Variants in MUC5B observed in about 807,000 individuals in gnomAD.
MUC5B encodes the protein mucin-5B.
MUC5B carries 116 observed loss-of-function variants against 376.9 expected under a neutral mutation model. That is an observed-to-expected ratio of 0.31 (90% CI 0.26 to 0.36). The LOEUF (loss-of-function observed/expected upper bound fraction) is 0.36, where lower values mean the gene tolerates loss of function less well. Among genes scored for constraint, MUC5B ranks in the 10% least tolerant of loss-of-function variants. MUC5B has a pLI of 1.00. For synonymous variants in MUC5B, 3,517 were observed against 3,390.9 expected (o/e 1.04, Z -1.29); for missense variants, 7,165 against 7,769.9 (o/e 0.92, Z 2.93).
Position 1,245,871 on chromosome 11 carries a change from C to T in MUC5B, c.8991C>T (p.Thr2997=), listed in dbSNP as rs964519081. The change falls in exon 31 of 49, where the codon ACC becomes ACT. Residue 2997 remains threonine (T), a synonymous_variant. Transcript: ENST00000529681. ...PGTTWILTEQ[T]TAATTTATTG... ...CGACCTGGATCCTCACAGAGCAGAC[C>T]ACAGCAGCCACTACGACCGCAACCA... 5 of 1,613,336 alleles carry T rather than the reference C, an allele frequency of 3.1e-6. No homozygotes were observed. In the African/African-American group the frequency reaches 6.7e-5, roughly 22 times the overall value.
Position 1,234,122 on chromosome 11 carries a change from G to A in MUC5B, c.2378-83G>A. ...TCGGGGGCTGTTAACTTGATCAGCAGGACAGGCTCAGGGCTGCCTGGGGTC... is the reference window on the plus strand; with the variant it reads ...TCGGGGGCTGTTAACTTGATCAGCAAGACAGGCTCAGGGCTGCCTGGGGTC... On this transcript the variant is annotated intron_variant, in intron 19 of 48. Coordinates refer to ENST00000529681, the MANE Select transcript of MUC5B (RefSeq NM_002458.3). The surrounding 1 kb of genome is among the most constrained non-coding windows in gnomAD (Gnocchi z 6.3). 8.5e-7 allele frequency: 1 copy of A among 1,177,242 alleles called. No individual in the cohort carries two copies. 72.9% of individuals were successfully genotyped at this position (1,177,242 alleles called of 1,614,324 possible).
In MUC5B at chr11:1,244,235, C is replaced by T. The variant is rs370280176; in HGVS notation, c.7355C>T (p.Thr2452Met). ...TATTTESTGS[T>M]ATPSSTPGTT... Reference sequence around the variant, plus strand: ...ACTACGACTGAGTCCACTGGATCCACGGCCACCCCGTCCTCCACCCCAGGG... The same window carrying T: ...ACTACGACTGAGTCCACTGGATCCATGGCCACCCCGTCCTCCACCCCAGGG... The change falls in exon 31 of 49, where the codon ACG becomes ATG. Residue 2452 changes from threonine to methionine, a missense_variant. This residue lies in a region of MUC5B where 194 missense variants were observed against 268.5 expected (regional missense o/e 0.72). Coordinates refer to ENST00000529681, the MANE Select transcript of MUC5B (RefSeq NM_002458.3). The T allele has an allele frequency of 6.3e-5, 102 of 1,611,920 alleles. 1 individual carries two copies. Among genetic ancestry groups the T allele is most frequent in the African/African-American group, 6.3e-4 (47 of 74,798 alleles).
Position 1,239,909 on chromosome 11 carries a change from G to A in MUC5B, c.3694G>A (p.Ala1232Thr). 1.2e-6 allele frequency: 2 copies of A among 1,613,380 alleles called. No homozygotes were observed. The highest frequency in any genetic ancestry group is 1.7e-6 in the Non-Finnish European group (2 of 1,179,736). Residue 1232 changes from alanine (A) to threonine (T), a missense_variant, in exon 28 of 49, where the codon GCA becomes ACA. Physicochemically the swap from Ala to Thr is moderately conservative, Grantham distance 58 (BLOSUM62 0). Transcript: ENST00000529681. ...GGACGGAAACTACTATGACGTCGGT[G>A]CAAGGGTCCCCACAGCGGAGAACTG... Reference protein sequence around the residue: ...DKDGNYYDVGARVPTAENCQS... With the variant: ...DKDGNYYDVGTRVPTAENCQS...
chr11:1,247,987 A>C lies in MUC5B; in HGVS notation c.11107A>C (p.Thr3703Pro). The C allele has an allele frequency of 6.2e-7, 1 of 1,610,366 alleles. No individual in the cohort carries two copies. The highest frequency in any genetic ancestry group is 2.2e-5 in the East Asian group (1 of 44,842). Residue 3703 changes from threonine to proline, a missense_variant, in exon 31 of 49, where the codon ACT (threonine) becomes CCT (proline). Thr to Pro is a conservative substitution (Grantham distance 38, BLOSUM62 -1). This residue lies in a region of MUC5B where 90 missense variants were observed against 71.1 expected (regional missense o/e 1.27). Transcript: ENST00000529681. ...AAAGCTGACCACAACAGCCACTACG[A>C]CTGAGTCCACTGGATCCACGGCCAC... ...LTKLTTTATT[T>P]ESTGSTATPS...
Position 1,257,345 on chromosome 11 carries a change from A to G in MUC5B, c.16269+74A>G. 2 of 816,644 alleles carry G rather than the reference A, an allele frequency of 2.4e-6. No individual in the cohort carries two copies. The highest frequency in any genetic ancestry group is 4.4e-6 in the Non-Finnish European group (2 of 455,308). The allele number at this position is 816,644 out of a possible 1,614,324, so 50.6% of individuals were successfully genotyped here. A position where few individuals can be genotyped will look rare whatever the true frequency, so the allele number is the denominator to read the frequency against. ...AGGGAGGGAGGGAAGGAGCATCCCC[A>G]TCCCACAGGGCAGCTGTGGGGCGCC... On this transcript the variant is annotated intron_variant, in intron 40 of 48. Transcript: ENST00000529681. This position sits in a 1 kb window ranked among gnomAD's most constrained non-coding sequence, Gnocchi z 8.9.
In MUC5B at chr11:1,240,099, G is replaced by A. The variant is rs181508266; in HGVS notation, c.3772+11G>A. 2.6e-6 allele frequency: 4 copies of A among 1,562,904 alleles called. No homozygotes were observed. Among genetic ancestry groups the A allele is most frequent in the Non-Finnish European group, 2.6e-6 (3 of 1,151,542 alleles). On this transcript the variant is annotated intron_variant, in intron 29 of 48. Transcript: ENST00000529681. ...CTCACAGCCTTGAGGGTAAGGAAGGGCCGGGGGGTTAGTGGGCCGGTGAAG... is the reference window on the plus strand; with the variant it reads ...CTCACAGCCTTGAGGGTAAGGAAGGACCGGGGGGTTAGTGGGCCGGTGAAG...
Position 1,258,070 on chromosome 11 carries a change from C to G in MUC5B, c.16451-29C>G. The G allele has an allele frequency of 6.5e-7, 1 of 1,547,332 alleles. No individual in the cohort carries two copies. The highest frequency in any genetic ancestry group is 8.7e-7 in the Non-Finnish European group (1 of 1,143,344). ...TGGTCGGGAGGAGGAGTGAGCAGCGCCCAGACAGTGGCCTCCATCCTCCCG... is the reference window on the plus strand; with the variant it reads ...TGGTCGGGAGGAGGAGTGAGCAGCGGCCAGACAGTGGCCTCCATCCTCCCG... On this transcript the variant is annotated intron_variant, in intron 41 of 48. Coordinates refer to ENST00000529681, the MANE Select transcript of MUC5B (RefSeq NM_002458.3). The surrounding 1 kb of genome is among the most constrained non-coding windows in gnomAD (Gnocchi z 5.5).
rs768451763 is a variant in MUC5B, at chr11:1,242,908, C to T, written c.6028C>T (p.Pro2010Ser). The T allele has an allele frequency of 1.9e-6, 3 of 1,613,602 alleles. No individual in the cohort carries two copies. Among genetic ancestry groups the T allele is most frequent in the Admixed American group, 1.7e-5 (1 of 59,988 alleles). Residue 2010 changes from proline (P) to serine (S), a missense_variant, in exon 31 of 49, where the codon CCC becomes TCC. Coordinates refer to ENST00000529681, the MANE Select transcript of MUC5B (RefSeq NM_002458.3). Reference sequence around the variant, plus strand: ...CACGGCCACCATGTCCACAGCCACACCCTCCTCCACTCCAGAGACTGCCCA... The same window carrying T: ...CACGGCCACCATGTCCACAGCCACATCCTCCTCCACTCCAGAGACTGCCCA... ...TPTATMSTAT[P>S]SSTPETAHTS...
chr11:1,239,007 G>T lies in MUC5B; in HGVS notation c.3434G>T (p.Trp1145Leu). ...CACGACGCGGGCCTGTGTGTGTCCT[G>T]GCGGACTCCGGACACCTGCCGTGAG... Reference protein sequence around the residue: ...ACHDAGLCVSWRTPDTCPLFC... With the variant: ...ACHDAGLCVSLRTPDTCPLFC... Residue 1145 changes from tryptophan to leucine, a missense_variant, in exon 26 of 49, where the codon TGG (tryptophan) becomes TTG (leucine). Transcript: ENST00000529681. 1 of 1,571,876 alleles carries T rather than the reference G, an allele frequency of 6.4e-7. No homozygotes were observed. The highest frequency in any genetic ancestry group is 1.3e-5 in the African/African-American group (1 of 74,166).
intron 1 of MUC5B, among the ~76,000 whole-genome samples, chr11:1,225,386 C>T (rs189314615): frequency 7.2e-5 from 11 of 152,366 alleles, no homozygotes; most frequent in Middle Eastern, 3.4e-3. Flanking sequence ...CAGGGCAGGC[C>T]GTGCTGGGGG....
At position 1,227,518 on chromosome 11, in the gene MUC5B, G is replaced by A. The variant is rs1006862221; in HGVS notation, c.667+120G>A. 2.4e-5 allele frequency: 18 copies of A among 761,904 alleles called. No individual in the cohort carries two copies. The African/African-American group carries it at 2.4e-4, about 10-fold the overall frequency. The allele number at this position is 761,904 out of a possible 1,614,324, so 47.2% of individuals were successfully genotyped here. A position where few individuals can be genotyped will look rare whatever the true frequency, so the allele number is the denominator to read the frequency against. ...CGGGCACCAGGCAGGGAGGGGCCAC[G>A]AGGACTGTGCCCTACATGGTGGGAG... On this transcript the variant is annotated intron_variant, in intron 6 of 48. Coordinates refer to ENST00000529681, the MANE Select transcript of MUC5B (RefSeq NM_002458.3).
Position 1,231,469 on chromosome 11 carries a change from G to C in MUC5B, c.1587G>C (p.Gln529His), listed in dbSNP as rs1334508702. The stretch of plus-strand genomic sequence containing the variant: ...CCTCGAGCTTCTTCATCGTGGTGCA[G>C]ACAGGCCTGGGGCTGCAGCTGCTGG... ...FTPSSFFIVV[Q>H]TGLGLQLLVQ... The change falls in exon 14 of 49, where the codon CAG becomes CAC. Residue 529 changes from glutamine to histidine, a missense_variant. This residue lies in a region of MUC5B where 640 missense variants were observed against 733.0 expected (regional missense o/e 0.87). Coordinates refer to ENST00000529681, the MANE Select transcript of MUC5B (RefSeq NM_002458.3). The C allele has an allele frequency of 8.7e-6, 14 of 1,611,626 alleles. No homozygotes were observed. The Admixed American group carries it at 2.3e-4, about 27-fold the overall frequency.
chr11:1,247,451 C>T lies in MUC5B; in HGVS notation c.10571C>T (p.Ser3524Phe), dbSNP rs1323561803. 2.5e-6 allele frequency: 4 copies of T among 1,609,540 alleles called. No homozygotes were observed. Among genetic ancestry groups the T allele is most frequent in the Non-Finnish European group, 3.4e-6 (4 of 1,178,858 alleles). The change falls in exon 31 of 49, where the codon TCT (serine) becomes TTT (phenylalanine). Residue 3524 changes from serine to phenylalanine, a missense_variant. Physicochemically the swap from Ser to Phe is radical, Grantham distance 155. Around this residue, in one of 31 missense-constraint regions of MUC5B, gnomAD observed 939 missense variants for 770.6 expected, o/e 1.22. Transcript: ENST00000529681. ...AGCAGGACCACCGAGTCACCCCCTTCTCCAGGGACGACCACCCCGGGCCAC... is the reference window on the plus strand; with the variant it reads ...AGCAGGACCACCGAGTCACCCCCTTTTCCAGGGACGACCACCCCGGGCCAC... ...PSSRTTESPP[S>F]PGTTTPGHTR...
chr11:1,232,239 A>T, intron 15 of MUC5B, 79 bp downstream of exon 15: 1 of 1,467,386 alleles, frequency 6.8e-7, no homozygotes, highest in Non-Finnish European at 9.1e-7. Context: ...GGCCACGGGG[A>T]CCCCTGGGTG....
At position 1,230,956 on chromosome 11, in the gene MUC5B, C is replaced by T. The variant is rs778523751; in HGVS notation, c.1491C>T (p.Asp497=). 3.0e-5 allele frequency: 48 copies of T among 1,595,258 alleles called. No individual in the cohort carries two copies. Among genetic ancestry groups the T allele is most frequent in the South Asian group, 1.1e-4 (10 of 87,712 alleles). Residue 497 remains aspartate (D), a synonymous_variant, in exon 13 of 49, where the codon GAC becomes GAT. Transcript: ENST00000529681. ...CGCAGGCCATCCGGGTCCAAGCGGA[C>T]GGCGGCGTGTTCCTCAACTCCATCT... ...GGDTAIRVQA[D]GGVFLNSIYT...
intron 46 of MUC5B, 99 bp downstream of exon 46, chr11:1,260,184 C>T: frequency 2.8e-6 from 4 of 1,408,286 alleles, no homozygotes; most frequent in Non-Finnish European, 3.8e-6. Flanking sequence ...GGCCCCACCC[C>T]TGCTGGGGAG....
Position 1,249,372 on chromosome 11 carries a change from C to T in MUC5B, c.12492C>T (p.Ala4164=), listed in dbSNP as rs546569767. 42 of 1,610,734 alleles carry T rather than the reference C, an allele frequency of 2.6e-5. No homozygotes were observed. Among genetic ancestry groups the T allele is most frequent in the South Asian group, 1.2e-4 (11 of 90,940 alleles). ...TYSNIRAAGG[A]VCEQPLGLEC... is the part of the protein sequence containing the mutation. ...CCAACATCCGTGCGGCCGGAGGGGCCGTCTGTGAGCAGCCCCTGGGCCTCG... is the reference window on the plus strand; with the variant it reads ...CCAACATCCGTGCGGCCGGAGGGGCTGTCTGTGAGCAGCCCCTGGGCCTCG... The change falls in exon 31 of 49, where the codon GCC becomes GCT. Residue 4164 remains alanine, a synonymous_variant. Transcript: ENST00000529681.
In MUC5B at chr11:1,243,642, C is replaced by T; in HGVS notation, c.6762C>T (p.Ser2254=). The change falls in exon 31 of 49, where the codon AGC becomes AGT. Residue 2254 remains serine (S), a synonymous_variant. Transcript: ENST00000529681. The part of the protein sequence containing the change: ...TTQHSTPALS[S]PHPSSRTTES... Reference sequence around the variant, plus strand: ...AGCACTCGACTCCAGCCCTTTCCAGCCCTCACCCTAGCAGCAGAACCACCG... The same window carrying T: ...AGCACTCGACTCCAGCCCTTTCCAGTCCTCACCCTAGCAGCAGAACCACCG... The T allele has an allele frequency of 6.2e-7, 1 of 1,611,334 alleles. No homozygotes were observed. Among genetic ancestry groups the T allele is most frequent in the African/African-American group, 1.3e-5 (1 of 74,864 alleles).
Position 1,239,011 on chromosome 11 carries a change from G to A in MUC5B, c.3438G>A (p.Arg1146=), listed in dbSNP as rs759962142. Residue 1146 remains arginine, a synonymous_variant, in exon 26 of 49, where the codon CGG becomes CGA. Transcript: ENST00000529681. ...CHDAGLCVSW[R]TPDTCPLFCD... ...ACGCGGGCCTGTGTGTGTCCTGGCG[G>A]ACTCCGGACACCTGCCGTGAGTCGG... The A allele has an allele frequency of 1.7e-5, 27 of 1,571,720 alleles. No individual in the cohort carries two copies. The highest frequency in any genetic ancestry group is 2.2e-5 in the Non-Finnish European group (26 of 1,159,340).
Sources: allele counts gnomAD v4.1 joint callset (sites outside exome capture counted in the v4.1 genomes callset), GRCh38; gene constraint gnomAD v4.1.1; regional missense constraint gnomAD v4.1.1; non-coding constraint Gnocchi (gnomAD v3.1); transcripts MANE v1.5; gene names NCBI Gene and HGNC (gene_info 2026-07-23, HGNC 2026-07-21).